The following ADGRD1 variants were observed in gnomAD, a reference collection of about 807,000 sequenced individuals.
ADGRD1 encodes the protein G-protein coupled receptor 133.
Under a neutral mutation model 113.4 loss-of-function variants are expected in ADGRD1, and 77 were observed. The ratio of observed to expected loss-of-function variants is 0.68; its 90% CI spans 0.57 to 0.82. The LOEUF is 0.82. ADGRD1 is among the 40% of genes least tolerant of loss of function. ADGRD1 has a pLI of 0.00. For synonymous variants in ADGRD1, 474 were observed against 475.0 expected, an observed-to-expected ratio of 1.00 and a Z score of 0.03; for missense variants, 1,036 against 1,139.1, an observed-to-expected ratio of 0.91 and a Z score of 1.30.
intron 2 of ADGRD1, among the ~76,000 whole-genome samples, chr12:130,959,231 C>G (rs1303670896): frequency 6.6e-6 from 1 of 152,214 alleles, no homozygotes; most frequent in African/African-American, 2.4e-5. Context: ...TTCTTGTTTT[C>G]TGATTCTGGC....
At chr12:130,980,998 C>T (rs1454036222) in intron 4 of ADGRD1, 2 of 152,226 alleles carry the variant, frequency 1.3e-5, no homozygotes, top group Non-Finnish European at 2.9e-5. Flanking sequence ...GGGGTCAGGA[C>T]TTACCACGAA....
intron 2 of ADGRD1, among the ~76,000 whole-genome samples, chr12:130,961,564 C>T (rs1870363309): frequency 6.6e-6 from 1 of 152,060 alleles, no homozygotes; most frequent in African/African-American, 2.4e-5. Context: ...GACGTTTAGT[C>T]TTTAGAAGAG....
At chr12:131,020,505 G>A (rs1879205043) in intron 13 of ADGRD1, among the ~76,000 whole-genome samples, 1 of 152,274 alleles carries the variant, frequency 6.6e-6, no homozygotes, top group Non-Finnish European at 1.5e-5. Flanking sequence ...GGGCACTGGT[G>A]ATCTGAGGAG....
rs1015284617 is a variant in ADGRD1, at chr12:131,050,855, G to A, written c.1474-25946G>A. 3.9e-5 allele frequency among the ~76,000 whole-genome samples: 6 copies of A among 152,220 alleles called. No homozygotes were observed. The highest frequency in any genetic ancestry group is 2.1e-4 in the South Asian group (1 of 4,818). ...TAGATACCTCACAAGCAGAGTTCAC[G>A]GTCGGTTTGCATTCCTATGAGAATC... On this transcript the variant is annotated intron_variant, in intron 13 of 24. Coordinates refer to ENST00000261654, the MANE Select transcript of ADGRD1 (RefSeq NM_198827.5). The surrounding 1 kb of genome is among the most constrained non-coding windows in gnomAD (Gnocchi z 4.8).
rs771854309 is a variant in ADGRD1, at chr12:131,055,107, C to T, written c.1474-21694C>T. Among the ~76,000 whole-genome samples, 28 of 152,250 alleles carry T rather than the reference C, an allele frequency of 1.8e-4. No individual in the cohort carries two copies. The South Asian group carries it at 2.3e-3, about 12-fold the overall frequency. The stretch of plus-strand genomic sequence containing the variant: ...TTGGAAAGTTAGATTTTAAGAAATA[C>T]GCTTAATTTGTGGAGGGAAAAATTA... On this transcript the variant is annotated intron_variant, in intron 13 of 24. Coordinates refer to ENST00000261654, the MANE Select transcript of ADGRD1 (RefSeq NM_198827.5).
chr12:131,077,317 G>A (rs1219253246), intron 14 of ADGRD1, among the ~76,000 whole-genome samples: 1 of 152,180 alleles, frequency 6.6e-6, no homozygotes, highest in African/African-American at 2.4e-5. Context: ...ACTGGAGCAG[G>A]CTGACCATCA....
In ADGRD1 at chr12:130,990,998, G is replaced by A; in HGVS notation, c.746-16G>A. On this transcript the variant is annotated splice_polypyrimidine_tract_variant and intron_variant, in intron 6 of 24. Coordinates refer to ENST00000261654, the MANE Select transcript of ADGRD1 (RefSeq NM_198827.5). The stretch of plus-strand genomic sequence containing the variant: ...TGACCATGTTTTAGTCCTTAATCCA[G>A]CATTGTTTCTTCCAGGAAAGCATGC... The A allele has an allele frequency of 6.2e-7, 1 of 1,612,004 alleles. No individual in the cohort carries two copies.
chr12:131,071,497 G>T (rs1351404794), intron 13 of ADGRD1, among the ~76,000 whole-genome samples: 2 of 152,124 alleles, frequency 1.3e-5, no homozygotes, highest in Non-Finnish European at 2.9e-5. Flanking sequence ...AGTTAAGGGG[G>T]CGGGGTCCCT....
At chr12:131,065,747 G>C (rs941533878) in intron 13 of ADGRD1, among the ~76,000 whole-genome samples, 1 of 151,564 alleles carries the variant, frequency 6.6e-6, no homozygotes, top group Non-Finnish European at 1.5e-5. Context: ...TGAAGGAGAG[G>C]GGGTATTTTT....
At chr12:130,996,091 G>C (rs1593318787) in intron 8 of ADGRD1, among the ~76,000 whole-genome samples, 1 of 152,264 alleles carries the variant, frequency 6.6e-6, no homozygotes, top group East Asian at 1.9e-4. Flanking sequence ...CACAGGTTTG[G>C]GGGTAAGGTC....
At chr12:131,009,408 G>C (rs989158288) in intron 12 of ADGRD1, among the ~76,000 whole-genome samples, 1 of 152,352 alleles carries the variant, frequency 6.6e-6, no homozygotes, top group East Asian at 1.9e-4. Flanking sequence ...GTTGAGAGAA[G>C]TGGAGTTCTG....
rs544033965 is a variant in ADGRD1, at chr12:131,108,623, A to C, written c.1888-101A>C. On this transcript the variant is annotated intron_variant, in intron 17 of 24. Transcript: ENST00000261654. The stretch of plus-strand genomic sequence containing the variant: ...TGGGAAGAAACATGGTCACATGACC[A>C]AAAGACCACCCAGGACATGGATACT... 86 of 1,538,078 alleles carry C rather than the reference A, an allele frequency of 5.6e-5. No individual in the cohort carries two copies. The African/African-American group carries it at 8.4e-4, about 15-fold the overall frequency.
At chr12:130,983,312 G>A (rs1197069803) in intron 5 of ADGRD1, among the ~76,000 whole-genome samples, 3 of 152,140 alleles carry the variant, frequency 2.0e-5, no homozygotes, top group Non-Finnish European at 4.4e-5. Flanking sequence ...CTCCACCTCT[G>A]TAAAGTGGGG....
intron 12 of ADGRD1, among the ~76,000 whole-genome samples, chr12:131,009,658 T>C (rs1049024799): frequency 6.6e-6 from 1 of 152,220 alleles, no homozygotes; most frequent in African/African-American, 2.4e-5. Context: ...GTGTTGTGTG[T>C]GTGCACACAG....
At chr12:131,010,099 A>G (rs1877682032) in intron 12 of ADGRD1, among the ~76,000 whole-genome samples, 1 of 152,190 alleles carries the variant, frequency 6.6e-6, no homozygotes, top group African/African-American at 2.4e-5. Flanking sequence ...GTTACCCTCG[A>G]TGCTGTCTCC....
chr12:131,076,244 A>C (rs557548667), intron 13 of ADGRD1, among the ~76,000 whole-genome samples: 1 of 152,224 alleles, frequency 6.6e-6, no homozygotes, highest in African/African-American at 2.4e-5. Context: ...CAGAAGCTCT[A>C]TCCTTTCTGT....
chr12:131,016,786 G>A (rs1463681106), intron 13 of ADGRD1, among the ~76,000 whole-genome samples: 21 of 152,182 alleles, frequency 1.4e-4, no homozygotes, highest in Admixed American at 1.4e-3. Context: ...CCAGCTACTT[G>A]GGAGACTGAG....
intron 4 of ADGRD1, chr12:130,978,679 G>A (rs1479403132): frequency 2.6e-5 from 4 of 152,112 alleles, no homozygotes; most frequent in African/African-American, 4.8e-5. Context: ...GATGGCCTTC[G>A]ATCTACCCTT....
At chr12:131,104,275 G>A (rs1005140993) in intron 15 of ADGRD1, among the ~76,000 whole-genome samples, 4 of 151,896 alleles carry the variant, frequency 2.6e-5, no homozygotes, top group African/African-American at 7.2e-5. Flanking sequence ...TACTTTGTGC[G>A]GGGACTGGGA....
Sources: gnomAD v4.1 joint callset for allele counts (sites outside exome capture counted in the v4.1 genomes callset) on GRCh38, gnomAD v4.1.1 for gene constraint, Gnocchi (gnomAD v3.1) non-coding constraint, MANE v1.5 for transcripts, NCBI Gene and HGNC (gene_info 2026-07-23, HGNC 2026-07-21) for gene names.